RNF169: variants seen among roughly 807,000 people sequenced by gnomAD.
The protein encoded by RNF169 is ring finger protein 169, also known as E3 ubiquitin-protein ligase RNF169.
RNF169 carries 24 observed loss-of-function variants against 53.9 expected under a neutral mutation model. The ratio of observed to expected loss-of-function variants is 0.45; its 90% CI spans 0.32 to 0.63. RNF169 has a LOEUF of 0.63. Among genes scored for constraint, RNF169 ranks in the 20% least tolerant of loss-of-function variants. RNF169 has a pLI of 0.04. For missense variants in RNF169, 883 were observed against 906.2 expected (o/e 0.97, Z 0.33); for synonymous variants, 396 against 363.5 (o/e 1.09, Z -1.02).
At chr11:74,764,969 T>C (rs184015502) in intron 1 of RNF169, among the ~76,000 whole-genome samples, 138 of 152,262 alleles carry the variant, frequency 9.1e-4, no homozygotes, top group African/African-American at 3.2e-3. Context: ...CTTAGCACTT[T>C]GGGAGGCCGA....
rs2036334425 is a variant in RNF169 at position 74,840,212 on chromosome 11, T to C, written c.*3482T>C. 6.6e-6 allele frequency: 1 copy of C among 152,204 alleles called. No individual in the cohort carries two copies. The highest frequency in any genetic ancestry group is 1.5e-5 in the Non-Finnish European group (1 of 68,034). 9.4% of individuals were successfully genotyped at this position (152,204 alleles called of 1,614,324 possible). On this transcript the variant is annotated 3_prime_UTR_variant, in exon 6 of 6. Coordinates refer to ENST00000299563, the MANE Select transcript of RNF169 (RefSeq NM_001098638.2). ...GACTTGAGCCAACCCTGAGCTGGAC[T>C]GTGGAGATAAAGCAGTTCCTGCTCT...
chr11:74,835,633 A>G lies in RNF169; in HGVS notation c.1030A>G (p.Thr344Ala), dbSNP rs942492660. The G allele has an allele frequency of 6.2e-7, 1 of 1,614,174 alleles. No homozygotes were observed. The highest frequency in any genetic ancestry group is 1.3e-5 in the African/African-American group (1 of 75,038). ...NNRCVSAPDL[T>A]IEKRLPFSSL... ...CCGCTGCGTCTCGGCCCCTGACTTA[A>G]CCATCGAAAAGCGTCTACCCTTCAG... The change falls in exon 6 of 6, where the codon ACC (threonine) becomes GCC (alanine). Residue 344 changes from threonine (T) to alanine (A), a missense_variant. Coordinates refer to ENST00000299563, the MANE Select transcript of RNF169 (RefSeq NM_001098638.2).
chr11:74,831,372 C>T (rs1429379235), intron 4 of RNF169: 1 of 152,134 alleles, frequency 6.6e-6, no homozygotes, highest in Non-Finnish European at 1.5e-5. Context: ...AAAAAGGTAA[C>T]TATGAAAACA....
intron 1 of RNF169, among the ~76,000 whole-genome samples, chr11:74,785,186 G>C (rs916272915): frequency 8.2e-4 from 52 of 63,694 alleles, no homozygotes; most frequent in Non-Finnish European, 1.1e-3. Context: ...ATATATATAT[G>C]ATATATATAT....
At chr11:74,751,646 A>G (rs572771921) in intron 1 of RNF169, among the ~76,000 whole-genome samples, 9 of 152,370 alleles carry the variant, frequency 5.9e-5, no homozygotes, top group African/African-American at 2.2e-4. Flanking sequence ...ATTAGAATCT[A>G]TTGAGTCACT....
chr11:74,769,612 C>T (rs192831300), intron 1 of RNF169, among the ~76,000 whole-genome samples: 29 of 152,222 alleles, frequency 1.9e-4, no homozygotes, highest in African/African-American at 7.0e-4. Flanking sequence ...GTTTCTACAG[C>T]TGTTAGAATG....
intron 4 of RNF169, among the ~76,000 whole-genome samples, chr11:74,821,425 G>A (rs1399785830): frequency 1.4e-5 from 1 of 69,598 alleles, no homozygotes; most frequent in Non-Finnish European, 2.4e-5. Flanking sequence ...TTGGGAGGCC[G>A]AGGCGGGCGG....
chr11:74,808,526 A>G (rs943628324), intron 2 of RNF169, among the ~76,000 whole-genome samples: 1 of 152,186 alleles, frequency 6.6e-6, no homozygotes, highest in Non-Finnish European at 1.5e-5. Context: ...AACTGCTGAG[A>G]TAGACCTTGA....
chr11:74,820,474 T>C (rs534310268), intron 4 of RNF169, among the ~76,000 whole-genome samples: 1 of 151,648 alleles, frequency 6.6e-6, no homozygotes, highest in Non-Finnish European at 1.5e-5. Flanking sequence ...GTGGGGGCCG[T>C]TAGGAGGTTG....
At chr11:74,786,553 A>G (rs1323291211) in intron 1 of RNF169, among the ~76,000 whole-genome samples, 1 of 151,842 alleles carries the variant, frequency 6.6e-6, no homozygotes, top group African/African-American at 2.4e-5. Flanking sequence ...ATGAGCCACC[A>G]CTCCTGGAGA....
chr11:74,795,495 C>T (rs2035635474), intron 2 of RNF169, among the ~76,000 whole-genome samples: 1 of 152,160 alleles, frequency 6.6e-6, no homozygotes, highest in Admixed American at 6.5e-5. Flanking sequence ...TAAAGGAATG[C>T]TGTGCTGAGC....
chr11:74,809,070 C>T (rs936759761), intron 2 of RNF169, among the ~76,000 whole-genome samples: 1 of 151,774 alleles, frequency 6.6e-6, no homozygotes, highest in Non-Finnish European at 1.5e-5. Flanking sequence ...AAGGCTAAGG[C>T]TTTGTTGTTG....
At position 74,794,001 on chromosome 11, in the gene RNF169, C is replaced by A. The variant is rs550934866; in HGVS notation, c.576+4302C>A. Among the ~76,000 whole-genome samples the A allele has an allele frequency of 2.0e-5, 3 of 152,168 alleles. No individual in the cohort carries two copies. In the East Asian group the frequency reaches 5.8e-4, roughly 29 times the overall value. On this transcript the variant is annotated intron_variant, in intron 2 of 5. Transcript: ENST00000299563. The stretch of plus-strand genomic sequence containing the variant: ...AATGAGATCATGATATATATATATT[C>A]ATTGGTTAATGAAATATTTATTGTG...
chr11:74,808,641 T>A (rs962027864), intron 2 of RNF169, among the ~76,000 whole-genome samples: 1 of 152,246 alleles, frequency 6.6e-6, no homozygotes, highest in African/African-American at 2.4e-5. Context: ...AGTGCTTGGC[T>A]AAGCACCTGA....
rs529813374 is a variant in RNF169, at chr11:74,827,668, G to T, written c.843-7008G>T. On this transcript the variant is annotated intron_variant, in intron 4 of 5. Coordinates refer to ENST00000299563, the MANE Select transcript of RNF169 (RefSeq NM_001098638.2). ...ATGATGTCACCCGAGATGCAAGGGT[G>T]GTTCAGCGTAGGCAAATCAATAAAT... Among the ~76,000 whole-genome samples, 3 of 152,230 alleles carry T rather than the reference G, an allele frequency of 2.0e-5. No individual in the cohort carries two copies. The South Asian group carries it at 6.2e-4, about 32-fold the overall frequency.
intron 1 of RNF169, among the ~76,000 whole-genome samples, chr11:74,787,614 C>G (rs2035522498): frequency 6.6e-6 from 1 of 152,080 alleles, no homozygotes. Flanking sequence ...CCACTGCACT[C>G]CCTCCTGGGC....
In RNF169 at chr11:74,837,123, T is replaced by C. The variant is rs1407646358; in HGVS notation, c.*393T>C. 6.2e-6 allele frequency: 1 copy of C among 160,176 alleles called. No homozygotes were observed. The allele number at this position is 160,176 out of a possible 1,614,324, so 9.9% of individuals were successfully genotyped here. A position where few individuals can be genotyped will look rare whatever the true frequency, so the allele number is the denominator to read the frequency against. ...GCCTTGCAGATAAAAATTAATTCCA[T>C]CTTTTTCAGACAAGTGAACAATTTA... is the stretch of plus-strand genomic sequence containing the variant. On this transcript the variant is annotated 3_prime_UTR_variant, in exon 6 of 6. Coordinates refer to ENST00000299563, the MANE Select transcript of RNF169 (RefSeq NM_001098638.2).
rs1280298975 is a variant in RNF169, at chr11:74,748,887, G to A, written c.7G>A (p.Ala3Thr). MA[A>T]AGPSTRASSA... ...CCTTCAAACGGGAAACAAGATGGCG[G>A]CTGCAGGTCCGAGTACTCGGGCCTC... Residue 3 changes from alanine (A) to threonine (T), a missense_variant, in exon 1 of 6, where the codon GCT (alanine) becomes ACT (threonine). By Grantham distance (58) the Ala-to-Thr change is moderately conservative. This residue lies in a region of RNF169 where 313 missense variants were observed against 279.9 expected (regional missense o/e 1.12). Transcript: ENST00000299563. The A allele has an allele frequency of 1.4e-6, 2 of 1,418,444 alleles. No homozygotes were observed. Among genetic ancestry groups the A allele is most frequent in the South Asian group, 1.5e-5 (1 of 66,930 alleles). 87.9% of individuals were successfully genotyped at this position (1,418,444 alleles called of 1,614,324 possible). A position where few individuals can be genotyped will look rare whatever the true frequency, so the allele number is the denominator to read the frequency against.
chr11:74,815,556 C>CA (rs559241093), intron 3 of RNF169, among the ~76,000 whole-genome samples: 7 of 145,654 alleles, frequency 4.8e-5, no homozygotes, highest in African/African-American at 7.6e-5. Flanking sequence ...ACTCGGTCTC[C>CA]AAAAAAAAAG....
Sources: allele counts gnomAD v4.1 joint callset (sites outside exome capture counted in the v4.1 genomes callset), GRCh38; gene constraint gnomAD v4.1.1; regional missense constraint gnomAD v4.1.1; transcripts MANE v1.5; gene names NCBI Gene and HGNC (gene_info 2026-07-23, HGNC 2026-07-21).